Variants in UBXN6 observed in about 807,000 individuals in gnomAD.
UBXN6 encodes the protein UBX domain protein 6.
A neutral mutation model predicts 51.4 loss-of-function variants in UBXN6; 44 were observed. That is an observed-to-expected ratio of 0.86 (90% confidence interval 0.67 to 1.10). UBXN6 has a LOEUF of 1.10. Ranked by LOEUF, UBXN6 falls within the 50% of genes least tolerant of loss-of-function variation. UBXN6 has a pLI of 0.00. For synonymous variants in UBXN6, 316 were observed against 263.2 expected (o/e 1.20, Z -1.94); for missense variants, 672 against 596.1 (o/e 1.13, Z -1.32).
At chr19:4,451,594 G>A (rs1165659826) in intron 4 of UBXN6, among the ~76,000 whole-genome samples, 1 of 152,056 alleles carries the variant, frequency 6.6e-6, no homozygotes, top group Non-Finnish European at 1.5e-5. Flanking sequence ...AGAACCTATT[G>A]ATGGTGTTAA....
At chr19:4,451,741 A>G (rs1247903277) in intron 4 of UBXN6, among the ~76,000 whole-genome samples, 3 of 149,966 alleles carry the variant, frequency 2.0e-5, no homozygotes, top group Non-Finnish European at 4.5e-5. Context: ...GGATTCAAGC[A>G]ATTCTCTTGC....
In UBXN6 at chr19:4,445,537, C is replaced by T; in HGVS notation, c.1287G>A (p.Leu429=). The change falls in exon 11 of 11, where the codon CTG becomes CTA. Residue 429 remains leucine (L), a synonymous_variant. Coordinates refer to ENST00000301281, the MANE Select transcript of UBXN6 (RefSeq NM_025241.3). ...CGATGGCTGACAGGAGCTCGGGTTT[C>T]AGGATGGAGTCCGGCTCGGCCCCCG... is the stretch of plus-strand genomic sequence containing the variant. ...KAAGAEPDSI[L]KPELLSAIEK... The T allele has an allele frequency of 6.2e-7, 1 of 1,613,926 alleles. No homozygotes were observed. Among genetic ancestry groups the T allele is most frequent in the Non-Finnish European group, 8.5e-7 (1 of 1,179,986 alleles).
At chr19:4,452,752 A>ACGC (rs1480195407) in intron 3 of UBXN6, among the ~76,000 whole-genome samples, 1 of 152,204 alleles carries the variant, frequency 6.6e-6, no homozygotes, top group Non-Finnish European at 1.5e-5. Context: ...AGCTTCTGAC[A>ACGC]CGCAGGAAAC....
intron 1 of UBXN6, among the ~76,000 whole-genome samples, chr19:4,456,430 C>T (rs1044137225): frequency 2.0e-5 from 3 of 151,930 alleles, no homozygotes; most frequent in South Asian, 2.1e-4. Context: ...TCCCAGCCCC[C>T]ACTCCCTCAC....
At chr19:4,452,235 G>A (rs1419252103) in intron 4 of UBXN6, 129 bp downstream of exon 4, 2 of 1,346,616 alleles carry the variant, frequency 1.5e-6, no homozygotes, top group Admixed American at 2.3e-5. Context: ...TATCAGAGGA[G>A]GGGCTTCACT....
Position 4,453,987 on chromosome 19 carries a change from C to T in UBXN6, c.190G>A (p.Glu64Lys), listed in dbSNP as rs750303262. 9 of 1,611,022 alleles carry T rather than the reference C, an allele frequency of 5.6e-6. No homozygotes were observed. Among genetic ancestry groups the T allele is most frequent in the African/African-American group, 1.3e-5 (1 of 75,014 alleles). Residue 64 changes from glutamate to lysine, a missense_variant, in exon 2 of 11, where the codon GAG becomes AAG. Transcript: ENST00000301281. ...CCCCAGGCCCGGGACTGCTTCTGCT[C>T]CAGCCGGGCTAGGGCGGCAGCGGCT... ...MAAAAALARL[E>K]QKQSRAWGPT...
intron 3 of UBXN6, among the ~76,000 whole-genome samples, chr19:4,452,774 G>T (rs1974676716): frequency 6.6e-6 from 1 of 152,202 alleles, no homozygotes. Context: ...CCCAGCAGAT[G>T]GCAGCTGGGT....
chr19:4,445,957 C>G (rs765195277), intron 10 of UBXN6, 92 bp downstream of exon 10: 18 of 1,505,696 alleles, frequency 1.2e-5, no homozygotes, highest in Non-Finnish European at 1.5e-5. Flanking sequence ...GCTCTGAGAA[C>G]AAGGAGGCTC....
At chr19:4,455,080 G>T in intron 1 of UBXN6, 1 of 380,546 alleles carries the variant, frequency 2.6e-6, no homozygotes, top group East Asian at 1.6e-4. Flanking sequence ...CCACCCTGTT[G>T]AGCCCTACAC....
In UBXN6 at chr19:4,448,350, G is replaced by A. The variant is rs143704241; in HGVS notation, c.507C>T (p.Asp169=). The part of the protein sequence containing the change: ...MKIYTFNKDQ[D]RVKLGVDTIA... Reference sequence around the variant, plus strand: ...TGGTGTCCACACCCAGCTTCACCCGGTCCTGGTCTTTGTTGAACGTGTAGA... The same window carrying A: ...TGGTGTCCACACCCAGCTTCACCCGATCCTGGTCTTTGTTGAACGTGTAGA... The change falls in exon 5 of 11, where the codon GAC becomes GAT. Residue 169 remains aspartate, a synonymous_variant. Coordinates refer to ENST00000301281, the MANE Select transcript of UBXN6 (RefSeq NM_025241.3). 41 of 1,610,196 alleles carry A rather than the reference G, an allele frequency of 2.5e-5. No homozygotes were observed. In the African/African-American group the frequency reaches 4.9e-4, roughly 19 times the overall value.
At chr19:4,455,755 A>G (rs1373574939) in intron 1 of UBXN6, among the ~76,000 whole-genome samples, 2 of 151,624 alleles carry the variant, frequency 1.3e-5, no homozygotes, top group African/African-American at 4.9e-5. Flanking sequence ...GAGTGGGAGG[A>G]GGATGGGGGT....
At chr19:4,447,127 G>C (rs559715340) in intron 6 of UBXN6, 1 of 607,372 alleles carries the variant, frequency 1.6e-6, no homozygotes, top group African/African-American at 1.9e-5. Context: ...CTGCACAGAG[G>C]AAAGAGTCAC....
At chr19:4,457,554 G>A in intron 1 of UBXN6, 61 bp downstream of exon 1, 1 of 1,438,324 alleles carries the variant, frequency 7.0e-7, no homozygotes, top group South Asian at 1.2e-5. Context: ...CAAGGCCCCA[G>A]ATCTCTCTCC....
rs1229410014 is a variant in UBXN6 at position 4,454,674 on chromosome 19, C to T, written c.84-581G>A. On this transcript the variant is annotated intron_variant, in intron 1 of 10. Transcript: ENST00000301281. Reference sequence around the variant, plus strand: ...CAAATGATCCTCCCACCGTGGCCTCCCAAACTGCTGGGATTATAGGCATGA... The same window carrying T: ...CAAATGATCCTCCCACCGTGGCCTCTCAAACTGCTGGGATTATAGGCATGA... 3 of 152,270 alleles carry T rather than the reference C, an allele frequency of 2.0e-5. No individual in the cohort carries two copies. In the South Asian group the frequency reaches 6.2e-4, roughly 31 times the overall value. 9.4% of individuals were successfully genotyped at this position (152,270 alleles called of 1,614,324 possible).
At chr19:4,453,301 A>G (rs1204495199) in intron 3 of UBXN6, among the ~76,000 whole-genome samples, 157 bp downstream of exon 3, 1 of 152,156 alleles carries the variant, frequency 6.6e-6, no homozygotes, top group African/African-American at 2.4e-5. Flanking sequence ...AAGGTCCCAG[A>G]CAACACCGTG....
intron 5 of UBXN6, 42 bp from the exon 6 acceptor site, chr19:4,447,667 G>A (rs771290724): frequency 1.2e-6 from 2 of 1,601,090 alleles, no homozygotes; most frequent in Non-Finnish European, 1.7e-6. Flanking sequence ...AGCCCAGGCT[G>A]CCCACCCGGC....
Position 4,448,015 on chromosome 19 carries a change from C to G in UBXN6, c.539+303G>C, listed in dbSNP as rs1974574263. On this transcript the variant is annotated intron_variant, in intron 5 of 10. Coordinates refer to ENST00000301281, the MANE Select transcript of UBXN6 (RefSeq NM_025241.3). ...GCAGCGTGGACCTCCAGGCCTGCCCCCGATCCTGAGACCCGGGGAGTGGGG... is the reference window on the plus strand; with the variant it reads ...GCAGCGTGGACCTCCAGGCCTGCCCGCGATCCTGAGACCCGGGGAGTGGGG... The G allele has an allele frequency of 7.6e-6, 4 of 526,084 alleles. No individual in the cohort carries two copies. The East Asian group carries it at 9.8e-5, about 13-fold the overall frequency. 32.6% of individuals were successfully genotyped at this position (526,084 alleles called of 1,614,324 possible).
chr19:4,445,416 T>C lies in UBXN6; in HGVS notation c.*82A>G, dbSNP rs1974485142. 1 of 1,587,154 alleles carries C rather than the reference T, an allele frequency of 6.3e-7. No individual in the cohort carries two copies. Among genetic ancestry groups the C allele is most frequent in the Non-Finnish European group, 8.6e-7 (1 of 1,163,790 alleles). ...AGAGCCAAGTATTTCCAGAGGTGGC[T>C]TGGAGGCCCTGGGGTGGCGGGGAGA... On this transcript the variant is annotated 3_prime_UTR_variant, in exon 11 of 11. Transcript: ENST00000301281.
At chr19:4,446,783 GC>G in intron 7 of UBXN6, 52 bp downstream of exon 7, 1 of 1,613,114 alleles carries the variant, frequency 6.2e-7, no homozygotes, top group South Asian at 1.1e-5. Context: ...GGGCCCTCCT[GC>G]CCCGAGGCCC....
Sources: gnomAD v4.1 joint callset for allele counts (sites outside exome capture counted in the v4.1 genomes callset) on GRCh38, gnomAD v4.1.1 for gene constraint, MANE v1.5 for transcripts, NCBI Gene and HGNC (gene_info 2026-07-23, HGNC 2026-07-21) for gene names.